Variants in FARS2 observed in about 807,000 individuals in gnomAD.
FARS2 encodes phenylalanyl-tRNA synthetase 2, mitochondrial, also known as phenylalanine--tRNA ligase, mitochondrial.
In FARS2, 40 loss-of-function variants were observed where a neutral mutation model predicts 46.4. That is an observed-to-expected ratio of 0.86 (90% CI 0.67 to 1.12). FARS2 has a LOEUF of 1.12. FARS2 is among the 50% of genes most tolerant of loss of function. The pLI, the probability that FARS2 is intolerant of heterozygous loss-of-function variation, is 0.00. For synonymous variants in FARS2, 234 were observed against 214.9 expected (o/e 1.09, Z -0.78); for missense variants, 513 against 567.9 (o/e 0.90, Z 0.98).
intron 4 of FARS2, among the ~76,000 whole-genome samples, chr6:5,459,667 A>T (rs962096161): frequency 3.9e-4 from 60 of 152,110 alleles, no homozygotes. Context: ...TTAAAAAAAG[A>T]CTTCTATTCT....
At chr6:5,352,740 C>T (rs115226316) in intron 1 of FARS2, among the ~76,000 whole-genome samples, 3,728 of 151,726 alleles carry the variant, frequency 0.025, 140 homozygotes, top group African/African-American at 0.084. Context: ...GTCCTCCCTT[C>T]CTCCTTCCCT....
intron 4 of FARS2, among the ~76,000 whole-genome samples, chr6:5,505,373 G>T (rs1768040364): frequency 6.6e-6 from 1 of 152,092 alleles, no homozygotes; most frequent in South Asian, 2.1e-4. Context: ...CTCCAACTTG[G>T]ACAGTTGTCT....
intron 5 of FARS2, among the ~76,000 whole-genome samples, chr6:5,604,484 GGGCA>G (rs1001668756): frequency 6.6e-5 from 10 of 152,282 alleles, no homozygotes; most frequent in African/African-American, 2.4e-4. Context: ...CAGCAGGAAT[GGGCA>G]GGGGAGGAGG....
rs117254372 is a variant in FARS2, at chr6:5,701,543, C to T, written c.1218-69748C>T. Reference sequence around the variant, plus strand: ...TCATCCAGGCGCAGAATAGATTGTACTGAAACGTCAGAAGCCAGATACCAG... The same window carrying T: ...TCATCCAGGCGCAGAATAGATTGTATTGAAACGTCAGAAGCCAGATACCAG... On this transcript the variant is annotated intron_variant, in intron 6 of 6. Transcript: ENST00000274680. Among the ~76,000 whole-genome samples the T allele has an allele frequency of 6.7e-4, 102 of 152,328 alleles. No individual in the cohort carries two copies. In the East Asian group the frequency reaches 0.013, roughly 20 times the overall value.
At chr6:5,452,974 G>A (rs953149430) in intron 4 of FARS2, among the ~76,000 whole-genome samples, 9 of 152,098 alleles carry the variant, frequency 5.9e-5, no homozygotes, top group African/African-American at 1.9e-4. Context: ...GGTGTGCGGT[G>A]GGCAAAAGTA....
intron 6 of FARS2, among the ~76,000 whole-genome samples, chr6:5,671,822 G>A (rs1778480896): frequency 1.3e-5 from 2 of 152,168 alleles, no homozygotes; most frequent in Admixed American, 6.5e-5. Context: ...TCGCATCAAC[G>A]CGGGGAGGTG....
At chr6:5,544,186 G>A (rs910266752) in intron 4 of FARS2, among the ~76,000 whole-genome samples, 4 of 152,178 alleles carry the variant, frequency 2.6e-5, no homozygotes, top group Admixed American at 2.6e-4. Context: ...TCAAGGGCCC[G>A]AGCCATGTGG....
chr6:5,532,783 T>TAATAATAATAAG (rs894517533), intron 4 of FARS2, among the ~76,000 whole-genome samples: 20 of 138,750 alleles, frequency 1.4e-4, no homozygotes, highest in African/African-American at 5.8e-4. Context: ...ATAATAATAA[T>TAATAATAATAAG]AAGAAGAAGA....
intron 3 of FARS2, among the ~76,000 whole-genome samples, chr6:5,414,811 G>GTTTTTTTT (rs35210878): frequency 8.1e-5 from 7 of 86,682 alleles, no homozygotes; most frequent in Admixed American, 1.5e-4. Flanking sequence ...GTATATGACT[G>GTTTTTTTT]TTTTTTTTTT....
chr6:5,745,727 A>G (rs934831455), intron 6 of FARS2, among the ~76,000 whole-genome samples: 1 of 152,156 alleles, frequency 6.6e-6, no homozygotes, highest in African/African-American at 2.4e-5. Context: ...TTTTGTAGAT[A>G]TGAGGTCTTA....
intron 1 of FARS2, among the ~76,000 whole-genome samples, chr6:5,342,512 G>C (rs1462150486): frequency 6.6e-6 from 1 of 152,120 alleles, no homozygotes; most frequent in Non-Finnish European, 1.5e-5. Flanking sequence ...CAGCACTTTG[G>C]GAGGCTGAGG....
At chr6:5,272,363 T>C (rs1766019680) in intron 1 of FARS2, 2 of 152,346 alleles carry the variant, frequency 1.3e-5, no homozygotes, top group African/African-American at 4.8e-5. Context: ...GATGGGTTTT[T>C]CTTTTTTCTT....
intron 3 of FARS2, among the ~76,000 whole-genome samples, chr6:5,426,768 G>A (rs1219830353): frequency 6.6e-5 from 10 of 152,162 alleles, no homozygotes; most frequent in Admixed American, 6.5e-4. Context: ...TGGTACTACA[G>A]GCATGTGCCA....
Position 5,506,053 on chromosome 6 carries a change from A to G in FARS2, c.905-39127A>G, listed in dbSNP as rs566355253. Among the ~76,000 whole-genome samples the G allele has an allele frequency of 9.2e-5, 14 of 152,310 alleles. 1 individual carries two copies. Among genetic ancestry groups the G allele is most frequent in the African/African-American group, 3.4e-4 (14 of 41,564 alleles). On this transcript the variant is annotated intron_variant, in intron 4 of 6. Coordinates refer to ENST00000274680, the MANE Select transcript of FARS2 (RefSeq NM_006567.5). ...AGCTGATGGAATCACATGGCTTTGC[A>G]TCTGCATCAAGAGGACCTGCTCTCC... is the stretch of plus-strand genomic sequence containing the variant.
Position 5,368,932 on chromosome 6 carries a change from C to T in FARS2, c.362C>T (p.Thr121Met), listed in dbSNP as rs551537911. ...SVYDNLSPVVTTWQNFDSLLI... is the reference protein window; with the variant it reads ...SVYDNLSPVVMTWQNFDSLLI... ...TACGACAACCTTTCTCCAGTGGTCACGACCTGGCAGAACTTTGACAGCCTG... is the reference window on the plus strand; with the variant it reads ...TACGACAACCTTTCTCCAGTGGTCATGACCTGGCAGAACTTTGACAGCCTG... Residue 121 changes from threonine (T) to methionine (M), a missense_variant, in exon 2 of 7, where the codon ACG (threonine) becomes ATG (methionine). Physicochemically the swap from Thr to Met is moderately conservative, Grantham distance 81 (BLOSUM62 -1). Transcript: ENST00000274680. 4.3e-6 allele frequency: 7 copies of T among 1,614,152 alleles called. No homozygotes were observed. Among genetic ancestry groups the T allele is most frequent in the Middle Eastern group, 1.6e-4 (1 of 6,062 alleles).
intron 5 of FARS2, among the ~76,000 whole-genome samples, chr6:5,563,835 G>A (rs1206241209): frequency 6.6e-6 from 1 of 152,150 alleles, no homozygotes; most frequent in African/African-American, 2.4e-5. Context: ...ATTCCATAAA[G>A]AAGACTGGAA....
intron 1 of FARS2, among the ~76,000 whole-genome samples, chr6:5,268,725 T>C (rs1228130471): frequency 1.3e-5 from 2 of 152,196 alleles, no homozygotes; most frequent in Non-Finnish European, 2.9e-5. Context: ...AGTAGTTTTT[T>C]CCAATTCTGT....
intron 4 of FARS2, among the ~76,000 whole-genome samples, chr6:5,508,314 C>T (rs1021081711): frequency 1.3e-5 from 2 of 152,244 alleles, no homozygotes; most frequent in Non-Finnish European, 1.5e-5. Flanking sequence ...TCATCCCCCA[C>T]GTGGATTCCT....
chr6:5,444,125 G>GTT (rs1177961631), intron 4 of FARS2, among the ~76,000 whole-genome samples: 1 of 148,048 alleles, frequency 6.8e-6, no homozygotes, highest in Admixed American at 6.6e-5. Context: ...GTGTGTGTGT[G>GTT]TATGTGTGCA....
Sources: gnomAD v4.1 joint callset for allele counts (sites outside exome capture counted in the v4.1 genomes callset) on GRCh38, gnomAD v4.1.1 for gene constraint, MANE v1.5 for transcripts, NCBI Gene and HGNC (gene_info 2026-07-23, HGNC 2026-07-21) for gene names.